The following CLASP1 variants were observed in gnomAD, a reference collection of about 807,000 sequenced individuals.
CLASP1 encodes the protein cytoplasmic linker associated protein 1.
CLASP1 carries 38 observed loss-of-function variants against 192.3 expected under a neutral mutation model. The observed-to-expected ratio is 0.20, with a 90% confidence interval of 0.15 to 0.26. CLASP1 has a LOEUF of 0.26. Among genes scored for constraint, CLASP1 ranks in the 10% least tolerant of loss-of-function variants. CLASP1 has a pLI of 1.00. For missense variants in CLASP1, 1,433 were observed against 1,932.5 expected (o/e 0.74, Z 4.85); for synonymous variants, 691 against 712.8 (o/e 0.97, Z 0.49).
At chr2:121,445,433 C>G (rs1432669378) in intron 19 of CLASP1, 3 of 1,287,048 alleles carry the variant, frequency 2.3e-6, no homozygotes, top group South Asian at 1.2e-5. Context: ...GCAGCAAAAG[C>G]TGTCGAGCAT....
chr2:121,593,519 T>A (rs1476512777), intron 2 of CLASP1, among the ~76,000 whole-genome samples: 1 of 149,528 alleles, frequency 6.7e-6, no homozygotes, highest in Non-Finnish European at 1.5e-5. Context: ...CTTGGGAGGC[T>A]GAGGCAGAAG....
chr2:121,423,523 C>T (rs2079873300), intron 22 of CLASP1, among the ~76,000 whole-genome samples: 2 of 152,168 alleles, frequency 1.3e-5, no homozygotes, highest in South Asian at 2.1e-4. Flanking sequence ...AGAAAAGAAT[C>T]TTTAAATGTA....
At chr2:121,439,381 G>T (rs2082868307) in intron 19 of CLASP1, among the ~76,000 whole-genome samples, 1 of 152,076 alleles carries the variant, frequency 6.6e-6, no homozygotes, top group African/African-American at 2.4e-5. Flanking sequence ...TTTTGAATGT[G>T]TTTGCTCTTG....
At position 121,528,794 on chromosome 2, in the gene CLASP1, T is replaced by C. The variant is rs771907580; in HGVS notation, c.275-14A>G. 3.6e-5 allele frequency: 58 copies of C among 1,595,848 alleles called. No homozygotes were observed. In the Admixed American group the frequency reaches 4.0e-4, roughly 11 times the overall value. On this transcript the variant is annotated splice_polypyrimidine_tract_variant and intron_variant, in intron 3 of 39. Coordinates refer to ENST00000263710, the Ensembl canonical transcript of CLASP1. ...GACTTGGCAGCACTGAAAATCAAAA[T>C]GGAAACTGATCAAATGAAACCCTAT...
intron 2 of CLASP1, among the ~76,000 whole-genome samples, chr2:121,575,623 A>C (rs2060440794): frequency 6.6e-6 from 1 of 152,194 alleles, no homozygotes; most frequent in African/African-American, 2.4e-5. Context: ...CAAACCAGGA[A>C]GCAAAGGCTC....
At chr2:121,375,412 G>A (rs2069844492) in intron 34 of CLASP1, among the ~76,000 whole-genome samples, 1 of 142,544 alleles carries the variant, frequency 7.0e-6, no homozygotes, top group Non-Finnish European at 1.5e-5. Flanking sequence ...TCACCAGGCT[G>A]GAATGCAGTG....
chr2:121,478,773 A>C (rs2092093629), intron 8 of CLASP1, among the ~76,000 whole-genome samples: 4 of 38,082 alleles, frequency 1.1e-4, no homozygotes, highest in South Asian at 8.6e-4. Context: ...CACACACCCC[A>C]CACACACACC....
At chr2:121,410,885 G>C (rs374198290) in exon 24 of CLASP1, 9 of 1,609,516 alleles carry the variant, frequency 5.6e-6, no homozygotes, top group Non-Finnish European at 5.9e-6. Flanking sequence ...AGCAACAGCA[G>C]CTTCAAGATC....
chr2:121,440,828 A>T (rs942129962), intron 19 of CLASP1, among the ~76,000 whole-genome samples: 4 of 152,146 alleles, frequency 2.6e-5, no homozygotes, highest in African/African-American at 9.7e-5. Flanking sequence ...AGAAAAAAAA[A>T]AAAAGAGGTA....
intron 1 of CLASP1, among the ~76,000 whole-genome samples, chr2:121,623,123 T>A (rs2106131456): frequency 6.6e-6 from 1 of 152,252 alleles, no homozygotes; most frequent in South Asian, 2.1e-4. Flanking sequence ...GTTCCTAATC[T>A]TAGGACAGCA....
At chr2:121,544,546 T>G (rs2095293636) in intron 2 of CLASP1, among the ~76,000 whole-genome samples, 1 of 152,106 alleles carries the variant, frequency 6.6e-6, no homozygotes, top group Admixed American at 6.5e-5. Flanking sequence ...GCAATACATG[T>G]TTTTTTAAAG....
rs559077662 is a variant in CLASP1, at chr2:121,531,540, G to T, written c.196-1215C>A. Among the ~76,000 whole-genome samples the T allele has an allele frequency of 4.0e-5, 6 of 149,568 alleles. No individual in the cohort carries two copies. In the South Asian group the frequency reaches 1.3e-3, roughly 32 times the overall value. ...AATCCGGGGGGGTGGAGCCTGCAGT[G>T]AGCAGAGATCGCGCCACTGCACTCC... is the stretch of plus-strand genomic sequence containing the variant. On this transcript the variant is annotated intron_variant, in intron 2 of 39. Coordinates refer to ENST00000263710, the Ensembl canonical transcript of CLASP1.
intron 39 of CLASP1, among the ~76,000 whole-genome samples, chr2:121,344,452 C>G (rs2063193124): frequency 6.6e-6 from 1 of 152,042 alleles, no homozygotes; most frequent in South Asian, 2.1e-4. Context: ...CTGCCTCGGC[C>G]TCCTGAGTAG....
At chr2:121,342,547 C>G (rs2062914327) in intron 39 of CLASP1, among the ~76,000 whole-genome samples, 1 of 152,160 alleles carries the variant, frequency 6.6e-6, no homozygotes, top group East Asian at 1.9e-4. Flanking sequence ...AATCAACAAC[C>G]TAAACTTTTA....
chr2:121,418,831 T>C (rs2079026562), intron 22 of CLASP1, 102 bp from the exon 23 acceptor site: 15 of 823,494 alleles, frequency 1.8e-5, no homozygotes, highest in South Asian at 1.2e-4. Flanking sequence ...AATTACGACA[T>C]TGTTCGCGCT....
At chr2:121,451,450 C>T (rs1331066085) in intron 15 of CLASP1, among the ~76,000 whole-genome samples, 1 of 152,138 alleles carries the variant, frequency 6.6e-6, no homozygotes, top group Non-Finnish European at 1.5e-5. Context: ...GAGTGAAATT[C>T]CTTGAAGGAT....
At chr2:121,634,427 C>T (rs1179895606) in intron 1 of CLASP1, among the ~76,000 whole-genome samples, 1 of 152,148 alleles carries the variant, frequency 6.6e-6, no homozygotes, top group Non-Finnish European at 1.5e-5. Flanking sequence ...TGTGTACACC[C>T]TTTCTGCATC....
At chr2:121,398,181 G>A (rs762269793) in intron 29 of CLASP1, 141 bp downstream of exon 30, 1 of 662,518 alleles carries the variant, frequency 1.5e-6, no homozygotes. Flanking sequence ...AGAGAAACAG[G>A]AACATGTCCA....
intron 8 of CLASP1, among the ~76,000 whole-genome samples, chr2:121,473,907 T>C (rs947982835): frequency 6.6e-6 from 1 of 152,118 alleles, no homozygotes; most frequent in African/African-American, 2.4e-5. Flanking sequence ...ACAAAAATTG[T>C]CATCAGCAGA....
Sources: gnomAD v4.1 joint callset for allele counts (sites outside exome capture counted in the v4.1 genomes callset) on GRCh38, gnomAD v4.1.1 for gene constraint, MANE v1.5 for transcripts, NCBI Gene and HGNC (gene_info 2026-07-23, HGNC 2026-07-21) for gene names.